Variants in TBC1D8 observed in about 807,000 individuals in gnomAD.
The protein encoded by TBC1D8 is BUB2-like protein 1.
TBC1D8 carries 65 observed loss-of-function variants against 118.8 expected under a neutral mutation model. The ratio of observed to expected loss-of-function variants is 0.55; its 90% CI spans 0.45 to 0.67. The LOEUF (loss-of-function observed/expected upper bound fraction) is 0.67, where lower values mean the gene tolerates loss of function less well. TBC1D8 is among the 30% of genes least tolerant of loss of function. TBC1D8 has a pLI of 0.00. For synonymous variants in TBC1D8, 566 were observed against 595.8 expected (o/e 0.95, Z 0.73); for missense variants, 1,376 against 1,471.2 (o/e 0.94, Z 1.06).
At chr2:101,047,246 G>A (rs6543008) in intron 5 of TBC1D8, among the ~76,000 whole-genome samples, 88,052 of 152,068 alleles carry the variant, frequency 0.58, 26,806 homozygotes, top group Middle Eastern at 0.77. Context: ...GGGTGACAAT[G>A]CACCCCCTAC....
At chr2:101,072,798 T>C (rs1256591375) in intron 2 of TBC1D8, among the ~76,000 whole-genome samples, 1 of 152,110 alleles carries the variant, frequency 6.6e-6, no homozygotes, top group East Asian at 1.9e-4. Flanking sequence ...AGGCCACAAA[T>C]TGGTACCAAA....
intron 1 of TBC1D8, among the ~76,000 whole-genome samples, chr2:101,114,254 T>C (rs543539991): frequency 1.3e-5 from 2 of 152,320 alleles, no homozygotes; most frequent in South Asian, 4.1e-4. Context: ...CATAAAATTA[T>C]ATCTAGTTTG....
Position 101,011,455 on chromosome 2 carries a change from G to C in TBC1D8, c.2913C>G (p.Pro971=), listed in dbSNP as rs1034191821. ...STSRPLVFGK[P]NGDAVDYQKQ... ...ACAATGAAAAGAGGTACGTGCCATT[G>C]GGTTTCCCGAAAACCAGGGGTCTCG... is the stretch of plus-strand genomic sequence containing the variant. The change falls in exon 18 of 20, where the codon CCC becomes CCG. Residue 971 remains proline (P), a synonymous_variant. Coordinates refer to ENST00000409318, the MANE Select transcript of TBC1D8 (RefSeq NM_001330348.2). 30 of 1,613,928 alleles carry C rather than the reference G, an allele frequency of 1.9e-5. No homozygotes were observed. The highest frequency in any genetic ancestry group is 2.5e-5 in the Non-Finnish European group (29 of 1,179,834).
intron 1 of TBC1D8, among the ~76,000 whole-genome samples, chr2:101,096,185 T>C (rs1275614100): frequency 1.3e-5 from 2 of 152,098 alleles, no homozygotes; most frequent in African/African-American, 4.8e-5. Context: ...TGACATCTCA[T>C]AGTGCTGAGA....
intron 19 of TBC1D8, 82 bp from the exon 20 acceptor site, chr2:101,008,355 G>C: frequency 2.7e-6 from 3 of 1,106,030 alleles, no homozygotes; most frequent in Non-Finnish European, 3.7e-6. Context: ...TGTGAGCTTT[G>C]AGAAAACGAC....
intron 3 of TBC1D8, among the ~76,000 whole-genome samples, chr2:101,057,597 A>G (rs1408112344): frequency 1.3e-5 from 2 of 152,202 alleles, no homozygotes; most frequent in Non-Finnish European, 2.9e-5. Flanking sequence ...AAGCCAAGGC[A>G]GGAGGATTGC....
chr2:101,011,335 C>G, intron 18 of TBC1D8, 116 bp downstream of exon 18: 6 of 1,084,490 alleles, frequency 5.5e-6, no homozygotes, highest in Non-Finnish European at 8.3e-6. Flanking sequence ...GGGGATAATT[C>G]ATTGGACGAA....
intron 17 of TBC1D8, chr2:101,018,869 CA>C (rs1679846297): frequency 8.3e-7 from 1 of 1,201,374 alleles, no homozygotes; most frequent in Non-Finnish European, 1.2e-6. Flanking sequence ...ATTAACTAAG[CA>C]AAATGGCCAA....
chr2:101,081,579 C>T (rs908513499), intron 2 of TBC1D8, among the ~76,000 whole-genome samples: 1 of 152,170 alleles, frequency 6.6e-6, no homozygotes, highest in Non-Finnish European at 1.5e-5. Flanking sequence ...CCCTGGGACC[C>T]TCCCCATGCT....
intron 11 of TBC1D8, among the ~76,000 whole-genome samples, chr2:101,030,441 A>C (rs1225288125): frequency 2.0e-5 from 3 of 152,214 alleles, no homozygotes; most frequent in Non-Finnish European, 2.9e-5. Flanking sequence ...AGAAATGCAA[A>C]TTAAAACCAC....
At chr2:101,022,929 G>A (rs958317613) in intron 15 of TBC1D8, among the ~76,000 whole-genome samples, 8 of 151,850 alleles carry the variant, frequency 5.3e-5, no homozygotes, top group South Asian at 4.1e-4. Context: ...GATCGTCTGC[G>A]CTCAAGATTT....
chr2:101,109,868 C>T, intron 1 of TBC1D8: 1 of 985,344 alleles, frequency 1.0e-6, no homozygotes, highest in East Asian at 1.1e-4. Context: ...CTGACTTTCC[C>T]TCCACAAGCC....
At chr2:101,030,890 C>T (rs72821061) in intron 11 of TBC1D8, among the ~76,000 whole-genome samples, 16,133 of 152,222 alleles carry the variant, frequency 0.11, 976 homozygotes, top group Non-Finnish European at 0.14. Flanking sequence ...CACAAAAGAC[C>T]CTGTCCTCCA....
Position 101,032,421 on chromosome 2 carries a change from C to A in TBC1D8, c.1819-36G>T. ...GTCAAGGAGGGCAGTTACTGACTGG[C>A]CCATGTGATGCCACAGAGATGTTAC... On this transcript the variant is annotated intron_variant, in intron 10 of 19. Transcript: ENST00000409318. 3 of 1,558,494 alleles carry A rather than the reference C, an allele frequency of 1.9e-6. 1 individual carries two copies. Among genetic ancestry groups the A allele is most frequent in the South Asian group, 2.2e-5 (2 of 89,528 alleles).
chr2:101,109,940 C>T (rs371934581), intron 1 of TBC1D8: 1 of 985,476 alleles, frequency 1.0e-6, no homozygotes. Context: ...GCTGCAGGGC[C>T]GCCACCTCGT....
chr2:101,101,226 A>T (rs1045236807), intron 1 of TBC1D8, among the ~76,000 whole-genome samples: 1 of 152,176 alleles, frequency 6.6e-6, no homozygotes, highest in African/African-American at 2.4e-5. Flanking sequence ...TCCATCAAAA[A>T]CTGGGTAAAG....
At chr2:101,095,500 G>A (rs1676359484) in intron 1 of TBC1D8, among the ~76,000 whole-genome samples, 1 of 149,846 alleles carries the variant, frequency 6.7e-6, no homozygotes, top group East Asian at 2.0e-4. Context: ...AAAACATGCG[G>A]TGTTTGGTTT....
chr2:101,069,568 A>C (rs1013029464), intron 2 of TBC1D8, among the ~76,000 whole-genome samples: 2 of 152,214 alleles, frequency 1.3e-5, no homozygotes, highest in African/African-American at 2.4e-5. Flanking sequence ...CCTGGGCAAC[A>C]AGAGCGAAAC....
chr2:101,032,442 G>T (rs1437419211), intron 10 of TBC1D8, 57 bp from the exon 11 acceptor site: 3 of 1,486,224 alleles, frequency 2.0e-6, no homozygotes, highest in African/African-American at 2.8e-5. Context: ...CCACAGAGAT[G>T]TTACAAGCAT....
Sources: gnomAD v4.1 joint callset for allele counts (sites outside exome capture counted in the v4.1 genomes callset) on GRCh38, gnomAD v4.1.1 for gene constraint, MANE v1.5 for transcripts, NCBI Gene and HGNC (gene_info 2026-07-23, HGNC 2026-07-21) for gene names.